The following CFAP46 variants were observed in gnomAD, a reference collection of about 807,000 sequenced individuals.
The protein encoded by CFAP46 is cilia and flagella associated protein 46.
CFAP46 carries 245 observed loss-of-function variants against 325.7 expected under a neutral mutation model. That is an observed-to-expected ratio of 0.75 (90% CI 0.68 to 0.84). The LOEUF (loss-of-function observed/expected upper bound fraction) is 0.84. Among genes scored for constraint, CFAP46 ranks in the 40% least tolerant of loss-of-function variants. CFAP46 has a pLI of 0.00. For synonymous variants in CFAP46, 1,523 were observed against 1,495.9 expected, an observed-to-expected ratio of 1.02 and a Z score of -0.42; for missense variants, 3,346 against 3,543.0, an observed-to-expected ratio of 0.94 and a Z score of 1.41.
At chr10:132,888,875 C>T (rs376232771) in intron 25 of CFAP46, among the ~76,000 whole-genome samples, 17 of 143,438 alleles carry the variant, frequency 1.2e-4, no homozygotes, top group Admixed American at 4.8e-4. Flanking sequence ...TCACCCCTGC[C>T]GCCTGCACCT....
Position 132,813,071 on chromosome 10 carries a change from C to T in CFAP46, c.7389-174G>A, listed in dbSNP as rs1030906309. On this transcript the variant is annotated intron_variant, in intron 54 of 57. Transcript: ENST00000368586. ...ACGCCTCCCTCCTCTGTGCTCTGAT[C>T]ACAGGGGTCACGGCGGAGCCTAGTC... is the stretch of plus-strand genomic sequence containing the variant. Among the ~76,000 whole-genome samples the T allele has an allele frequency of 3.9e-5, 6 of 152,158 alleles. No homozygotes were observed. In the East Asian group the frequency reaches 1.2e-3, roughly 29 times the overall value.
At chr10:132,899,739 C>T in intron 22 of CFAP46, 73 bp from the exon 23 acceptor site, 1 of 1,476,996 alleles carries the variant, frequency 6.8e-7, no homozygotes, top group Non-Finnish European at 9.0e-7. Context: ...GGGTCACTGT[C>T]TTGAACTGTG....
chr10:132,929,101 G>A (rs1023317097), intron 9 of CFAP46: 13 of 189,766 alleles, frequency 6.9e-5, no homozygotes, highest in African/African-American at 2.8e-4. Flanking sequence ...CCCAGTGGAG[G>A]CCTGAAACGT....
Position 132,922,474 on chromosome 10 carries a change from C to T in CFAP46, c.1485+6G>A, listed in dbSNP as rs185469784. On this transcript the variant is annotated splice_donor_region_variant and intron_variant, in intron 12 of 57. Coordinates refer to ENST00000368586, the MANE Select transcript of CFAP46 (RefSeq NM_001200049.3). The stretch of plus-strand genomic sequence containing the variant: ...CCCAGCCTCCCTCACTTCCCCGGGG[C>T]GGCACCTGCTCAACGGCCATGATGG... The T allele has an allele frequency of 2.0e-5, 30 of 1,527,876 alleles. No individual in the cohort carries two copies. Among genetic ancestry groups the T allele is most frequent in the East Asian group, 9.9e-5 (4 of 40,456 alleles). The allele number at this position is 1,527,876 out of a possible 1,614,324, so 94.6% of individuals were successfully genotyped here.
chr10:132,887,264 TCTCTC>T (rs1217953908), intron 25 of CFAP46, among the ~76,000 whole-genome samples: 2 of 102,956 alleles, frequency 1.9e-5, no homozygotes, highest in East Asian at 3.3e-4. Context: ...CTCGCTTCTC[TCTCTC>T]CTCTCCTCTC....
At position 132,843,828 on chromosome 10, in the gene CFAP46, G is replaced by A. The variant is rs1194087435; in HGVS notation, c.6438+2229C>T. ...CGGTGGGTGTTCCCAGGGTGCTGTG[G>A]GGCTGTGGTCTCGGTGGGTGTTCCC... On this transcript the variant is annotated intron_variant, in intron 44 of 57. Transcript: ENST00000368586. Among the ~76,000 whole-genome samples, 141 of 82,368 alleles carry A rather than the reference G, an allele frequency of 1.7e-3. 1 individual carries two copies. The highest frequency in any genetic ancestry group is 2.0e-3 in the Non-Finnish European group (76 of 38,860). 54.0% of individuals were successfully genotyped at this position (82,368 alleles called of 152,430 possible).
chr10:132,843,507 C>T (rs1160161223), intron 44 of CFAP46, among the ~76,000 whole-genome samples: 13 of 118,360 alleles, frequency 1.1e-4, no homozygotes, highest in Admixed American at 1.1e-3. Flanking sequence ...TGTAGGGCTG[C>T]TGCTGGTGGG....
Position 132,886,115 on chromosome 10 carries a change from T to G in CFAP46, c.3305-156A>C, listed in dbSNP as rs956916537. ...CAGCGCATGCCCCGCAGGGCTGAAG[T>G]GAGCTGTGGACCTGCATGGCCCCTC... On this transcript the variant is annotated intron_variant, in intron 25 of 57. Coordinates refer to ENST00000368586, the MANE Select transcript of CFAP46 (RefSeq NM_001200049.3). The surrounding 1 kb of genome is among the most constrained non-coding windows in gnomAD (Gnocchi z 5.8). 2.0e-5 allele frequency among the ~76,000 whole-genome samples: 3 copies of G among 152,100 alleles called. No homozygotes were observed. Among genetic ancestry groups the G allele is most frequent in the African/African-American group, 7.2e-5 (3 of 41,406 alleles).
intron 10 of CFAP46, among the ~76,000 whole-genome samples, chr10:132,925,190 T>G (rs1184245327): frequency 1.3e-5 from 2 of 152,228 alleles, no homozygotes; most frequent in Non-Finnish European, 2.9e-5. Context: ...CTGGGGCCTG[T>G]GCTCGCTACG....
In CFAP46 at chr10:132,812,850, A is replaced by G. The variant is rs774347698; in HGVS notation, c.7436T>C (p.Phe2479Ser). Residue 2479 changes from phenylalanine to serine, a missense_variant, in exon 55 of 58, where the codon TTC (phenylalanine) becomes TCC (serine). Transcript: ENST00000368586. Reference sequence around the variant, plus strand: ...GGACAGGAAGCTCTCCATTCCATAGAAGAAGAAACCGCTGCAGCTGCCCAG... The same window carrying G: ...GGACAGGAAGCTCTCCATTCCATAGGAGAAGAAACCGCTGCAGCTGCCCAG... Reference protein sequence around the residue: ...QALGSCSGFFFYGMESFLSHI... With the variant: ...QALGSCSGFFSYGMESFLSHI... 32 of 1,611,576 alleles carry G rather than the reference A, an allele frequency of 2.0e-5. No homozygotes were observed. The Admixed American group carries it at 5.3e-4, about 27-fold the overall frequency.
chr10:132,852,530 C>T (rs1848573968), intron 39 of CFAP46, among the ~76,000 whole-genome samples: 1 of 149,094 alleles, frequency 6.7e-6, no homozygotes, highest in Non-Finnish European at 1.5e-5. Context: ...TGCATTTAGA[C>T]ATTCTCAGAT....
chr10:132,868,255 G>A (rs1308548962), intron 33 of CFAP46, among the ~76,000 whole-genome samples: 1 of 152,048 alleles, frequency 6.6e-6, no homozygotes, highest in Non-Finnish European at 1.5e-5. Context: ...GTTGGCCTCT[G>A]CCATCTGCCA....
At chr10:132,936,543 TCAGCCCCCAAA>T (rs1850009850) in intron 7 of CFAP46, among the ~76,000 whole-genome samples, 1 of 123,982 alleles carries the variant, frequency 8.1e-6, no homozygotes, top group African/African-American at 3.2e-5. Flanking sequence ...CTCACTCCCC[TCAGCCCCCAAA>T]TACACTGTGA....
Position 132,924,838 on chromosome 10 carries a change from C to T in CFAP46, c.1114G>A (p.Val372Met), listed in dbSNP as rs752527145. 29 of 1,439,172 alleles carry T rather than the reference C, an allele frequency of 2.0e-5. No individual in the cohort carries two copies. Among genetic ancestry groups the T allele is most frequent in the South Asian group, 1.1e-4 (8 of 70,342 alleles). 89.2% of individuals were successfully genotyped at this position (1,439,172 alleles called of 1,614,324 possible). The change falls in exon 11 of 58, where the codon GTG (valine) becomes ATG (methionine). Residue 372 changes from valine to methionine, a missense_variant. Coordinates refer to ENST00000368586, the MANE Select transcript of CFAP46 (RefSeq NM_001200049.3). ...ATGACCCGGGGGTCGCCCAGGCGCACGGCTCGCTGCAGCGCGACGTCTAGC... is the reference window on the plus strand; with the variant it reads ...ATGACCCGGGGGTCGCCCAGGCGCATGGCTCGCTGCAGCGCGACGTCTAGC... ...QRLDVALQRA[V>M]RLGDPRVIHV... is the part of the protein sequence containing the mutation.
chr10:132,808,544 C>G lies in CFAP46; in HGVS notation c.8025G>C (p.Leu2675=), dbSNP rs767392850. The G allele has an allele frequency of 6.2e-7, 1 of 1,613,044 alleles. No homozygotes were observed. ...SSACLCAPWG[L]RRGWSCVSSR... ...AAGAGACGCAGCTCCAGCCCCGACG[C>G]AGACCCCATGGCGCACACAGGCAGG... Residue 2675 remains leucine (L), a synonymous_variant, in exon 58 of 58, where the codon CTG becomes CTC. Coordinates refer to ENST00000368586, the MANE Select transcript of CFAP46 (RefSeq NM_001200049.3). The surrounding 1 kb of genome is among the most constrained non-coding windows in gnomAD (Gnocchi z 6.8).
At chr10:132,871,952 A>G (rs567872121) in intron 32 of CFAP46, among the ~76,000 whole-genome samples, 1 of 152,298 alleles carries the variant, frequency 6.6e-6, no homozygotes, top group South Asian at 2.1e-4. Context: ...GGCAAATTTT[A>G]TTGTTGTCTT....
chr10:132,883,706 A>G (rs1849080379), intron 27 of CFAP46, among the ~76,000 whole-genome samples: 2 of 152,254 alleles, frequency 1.3e-5, no homozygotes, highest in South Asian at 4.1e-4. Context: ...GACAATGGGA[A>G]GCAACACAAA....
chr10:132,822,420 T>C (rs1235716460), intron 50 of CFAP46, among the ~76,000 whole-genome samples: 1 of 142,594 alleles, frequency 7.0e-6, no homozygotes, highest in East Asian at 2.2e-4. Flanking sequence ...ATGCTGTGTG[T>C]GTGGTGATGT....
At chr10:132,938,115 A>C (rs552135491) in intron 5 of CFAP46, among the ~76,000 whole-genome samples, 1 of 152,248 alleles carries the variant, frequency 6.6e-6, no homozygotes, top group South Asian at 2.1e-4. Flanking sequence ...ACAGTGACCG[A>C]AGCATTGGTG....
Sources: allele counts gnomAD v4.1 joint callset (sites outside exome capture counted in the v4.1 genomes callset), GRCh38; gene constraint gnomAD v4.1.1; non-coding constraint Gnocchi (gnomAD v3.1); transcripts MANE v1.5; gene names NCBI Gene and HGNC (gene_info 2026-07-23, HGNC 2026-07-21).